Variants in GALNT17 observed in about 807,000 individuals in gnomAD.
GALNT17 encodes UDP-GalNAc:polypeptide N-acetylgalactosaminyltransferase-like 3.
Under a neutral mutation model 63.7 loss-of-function variants are expected in GALNT17, and 29 were observed. The ratio of observed to expected loss-of-function variants is 0.46; its 90% CI spans 0.34 to 0.62. The LOEUF (loss-of-function observed/expected upper bound fraction) is 0.62. Among genes scored for constraint, GALNT17 ranks in the 20% least tolerant of loss-of-function variants. The pLI is 0.01. For synonymous variants in GALNT17, 305 were observed against 318.3 expected (o/e 0.96, Z 0.45); for missense variants, 603 against 799.6 (o/e 0.75, Z 2.97).
intron 3 of GALNT17, 31 bp downstream of exon 3, chr7:71,388,432 A>G (rs1563056522): frequency 2.5e-6 from 4 of 1,593,734 alleles, no homozygotes; most frequent in African/African-American, 1.3e-5. Context: ...TGCACAGGAC[A>G]TGATGACAGC....
chr7:71,576,529 T>TTGTATG, intron 6 of GALNT17, among the ~76,000 whole-genome samples: 1 of 142,910 alleles, frequency 7.0e-6, no homozygotes, highest in South Asian at 2.4e-4. Flanking sequence ...TTTTTTAACT[T>TTGTATG]TGTGTGTGTG....
At chr7:71,530,890 T>C (rs142204529) in intron 5 of GALNT17, among the ~76,000 whole-genome samples, 78 of 152,110 alleles carry the variant, frequency 5.1e-4, no homozygotes, top group South Asian at 2.5e-3. Flanking sequence ...TTTAACAAGC[T>C]CTCCAGTTAA....
intron 1 of GALNT17, among the ~76,000 whole-genome samples, chr7:71,231,335 C>G (rs1293465029): frequency 6.6e-6 from 1 of 151,736 alleles, no homozygotes; most frequent in East Asian, 1.9e-4. Context: ...TGGGTTTTCC[C>G]CCAGATATTT....
At chr7:71,636,183 GTTCT>G (rs935294871) in intron 6 of GALNT17, among the ~76,000 whole-genome samples, 1 of 152,188 alleles carries the variant, frequency 6.6e-6, no homozygotes, top group Non-Finnish European at 1.5e-5. Context: ...TACATTTCAA[GTTCT>G]TTCTTCTAGC....
chr7:71,517,346 C>G (rs1238664001), intron 5 of GALNT17, among the ~76,000 whole-genome samples: 2 of 152,096 alleles, frequency 1.3e-5, no homozygotes, highest in Non-Finnish European at 2.9e-5. Flanking sequence ...CACTTTGAAA[C>G]CTAATCACCT....
intron 5 of GALNT17, among the ~76,000 whole-genome samples, chr7:71,549,508 T>G (rs1789039156): frequency 6.6e-6 from 1 of 152,118 alleles, no homozygotes; most frequent in African/African-American, 2.4e-5. Flanking sequence ...CTAAGGAGTT[T>G]GATGCTGCAG....
intron 1 of GALNT17, among the ~76,000 whole-genome samples, chr7:71,217,635 A>G (rs1403213387): frequency 3.9e-5 from 6 of 152,132 alleles, no homozygotes; most frequent in Non-Finnish European, 8.8e-5. Context: ...TCGTTGTTAA[A>G]AAAATTCAGG....
intron 1 of GALNT17, among the ~76,000 whole-genome samples, chr7:71,324,542 C>T (rs1343258703): frequency 1.3e-5 from 2 of 152,116 alleles, no homozygotes; most frequent in East Asian, 3.9e-4. Flanking sequence ...CCTGTAATCC[C>T]AGCTACTTGG....
intron 5 of GALNT17, among the ~76,000 whole-genome samples, chr7:71,434,626 C>T (rs534439630): frequency 1.3e-5 from 2 of 152,162 alleles, no homozygotes; most frequent in Non-Finnish European, 2.9e-5. Context: ...ACTTTTGCCA[C>T]CCGTGGGTTC....
chr7:71,281,993 G>A (rs1790786613), intron 1 of GALNT17, among the ~76,000 whole-genome samples: 2 of 152,292 alleles, frequency 1.3e-5, no homozygotes, highest in Admixed American at 1.3e-4. Flanking sequence ...TTGCTTCTAT[G>A]TGTTAACTCT....
At chr7:71,475,918 A>G (rs1047913381) in intron 5 of GALNT17, among the ~76,000 whole-genome samples, 2 of 152,200 alleles carry the variant, frequency 1.3e-5, no homozygotes, top group Admixed American at 6.5e-5. Context: ...AAATGCTTGG[A>G]ATATATATAA....
intron 5 of GALNT17, among the ~76,000 whole-genome samples, chr7:71,449,418 AT>A (rs1210421148): frequency 4.6e-5 from 7 of 151,796 alleles, no homozygotes; most frequent in South Asian, 4.2e-4. Flanking sequence ...ACATTATGTG[AT>A]TTTTTTTAAT....
At chr7:71,290,536 C>T (rs1300528987) in intron 1 of GALNT17, among the ~76,000 whole-genome samples, 3 of 152,030 alleles carry the variant, frequency 2.0e-5, no homozygotes, top group African/African-American at 7.2e-5. Flanking sequence ...CCCTGTTGAG[C>T]CCAGGCCTGG....
intron 1 of GALNT17, among the ~76,000 whole-genome samples, chr7:71,191,177 C>T (rs1788945727): frequency 6.6e-6 from 1 of 152,156 alleles, no homozygotes; most frequent in Non-Finnish European, 1.5e-5. Context: ...ACAATTTCAT[C>T]ATCTCAGAAA....
chr7:71,181,005 G>A (rs3973935), intron 1 of GALNT17, among the ~76,000 whole-genome samples: 34,969 of 152,012 alleles, frequency 0.23, 6,922 homozygotes, highest in African/African-American at 0.54. Context: ...CTGTAATCCC[G>A]GCACTTTGGG....
At chr7:71,265,488 G>A (rs920138514) in intron 1 of GALNT17, among the ~76,000 whole-genome samples, 5 of 152,084 alleles carry the variant, frequency 3.3e-5, no homozygotes, top group African/African-American at 1.2e-4. Flanking sequence ...AGATCTTTAT[G>A]TTGATACCAC....
intron 6 of GALNT17, among the ~76,000 whole-genome samples, chr7:71,584,007 C>G (rs1023337148): frequency 2.0e-5 from 3 of 152,034 alleles, no homozygotes; most frequent in African/African-American, 7.2e-5. Flanking sequence ...TGGCACGCGC[C>G]TATAATCCCA....
At chr7:71,582,221 A>G (rs933651513) in intron 6 of GALNT17, among the ~76,000 whole-genome samples, 3 of 152,134 alleles carry the variant, frequency 2.0e-5, no homozygotes, top group African/African-American at 7.2e-5. Flanking sequence ...GTAGCAGCAC[A>G]ATTCGTAATT....
In GALNT17 at chr7:71,133,015, G is replaced by A. The variant is rs1426401558; in HGVS notation, c.213G>A (p.Glu71=). Residue 71 remains glutamate (E), a synonymous_variant, in exon 1 of 11, where the codon GAG becomes GAA. Transcript: ENST00000333538. Reference sequence around the variant, plus strand: ...TCCTGAAGCGCCTGTCGCTGCTGGAGGACATCGTGTACCGGCAGCTGAATG... The same window carrying A: ...TCCTGAAGCGCCTGTCGCTGCTGGAAGACATCGTGTACCGGCAGCTGAATG... The part of the protein sequence containing the change: ...DAVLKRLSLL[E]DIVYRQLNGL... 3.8e-6 allele frequency: 6 copies of A among 1,591,194 alleles called. No homozygotes were observed. Among genetic ancestry groups the A allele is most frequent in the Non-Finnish European group, 5.1e-6 (6 of 1,169,558 alleles).
Sources: allele counts gnomAD v4.1 joint callset (sites outside exome capture counted in the v4.1 genomes callset), GRCh38; gene constraint gnomAD v4.1.1; transcripts MANE v1.5; gene names NCBI Gene and HGNC (gene_info 2026-07-23, HGNC 2026-07-21).